The following TEAD4 variants were observed in gnomAD, a reference collection of about 807,000 sequenced individuals.
TEAD4 encodes the protein transcriptional enhancer factor TEF-3.
Under a neutral mutation model 52.4 loss-of-function variants are expected in TEAD4, and 36 were observed. The observed-to-expected ratio is 0.69, with a 90% CI of 0.53 to 0.91. The LOEUF is 0.91. Among genes scored for constraint, TEAD4 ranks in the 40% least tolerant of loss-of-function variants. The probability of loss-of-function intolerance (pLI) is 0.00; values close to 1 mark genes in which losing one functional copy is unlikely to be tolerated. For missense variants in TEAD4, 508 were observed against 583.9 expected (o/e 0.87, Z 1.34); for synonymous variants, 220 against 231.0 (o/e 0.95, Z 0.43).
At chr12:3,035,036 G>A (rs548574403) in intron 10 of TEAD4, among the ~76,000 whole-genome samples, 1 of 152,274 alleles carries the variant, frequency 6.6e-6, no homozygotes, top group African/African-American at 2.4e-5. Flanking sequence ...GGCAGGCGAA[G>A]GTTGCAGTGA....
intron 2 of TEAD4, among the ~76,000 whole-genome samples, chr12:2,987,267 G>A (rs2098239264): frequency 6.6e-6 from 1 of 152,176 alleles, no homozygotes; most frequent in Non-Finnish European, 1.5e-5. Flanking sequence ...AAGAGGTCAG[G>A]TCAGAACCCA....
At chr12:3,014,835 C>G (rs539567547) in intron 5 of TEAD4, among the ~76,000 whole-genome samples, 1 of 152,206 alleles carries the variant, frequency 6.6e-6, no homozygotes, top group Non-Finnish European at 1.5e-5. Context: ...TTGTTTAGAT[C>G]GAGTATCCAG....
chr12:2,997,857 CATT>C lies in TEAD4; in HGVS notation c.226+2868_226+2870del, dbSNP rs145313544. Among the ~76,000 whole-genome samples, 5 of 151,550 alleles carry C rather than the reference CATT, an allele frequency of 3.3e-5. No individual in the cohort carries two copies. The South Asian group carries it at 6.3e-4, about 19-fold the overall frequency. Reference sequence around the variant, plus strand: ...AATACGTAACATTTTCCATTTTAATCATTATAGTTTTTCAGTTTATAATTTGAT... The same window carrying C: ...AATACGTAACATTTTCCATTTTAATCATAGTTTTTCAGTTTATAATTTGAT... On this transcript the variant is annotated intron_variant, in intron 3 of 12. Coordinates refer to ENST00000359864, the MANE Select transcript of TEAD4 (RefSeq NM_003213.4).
At chr12:3,018,435 C>A (rs548039778) in intron 6 of TEAD4, 110 bp from the exon 7 acceptor site, 1 of 1,325,054 alleles carries the variant, frequency 7.5e-7, no homozygotes, top group African/African-American at 1.4e-5. Context: ...GCCTCGGGCT[C>A]CAGCCTCTCC....
At chr12:2,985,257 C>T (rs1263902285) in intron 2 of TEAD4, among the ~76,000 whole-genome samples, 1 of 151,680 alleles carries the variant, frequency 6.6e-6, no homozygotes, top group East Asian at 2.0e-4. Context: ...TGGTGGCAGG[C>T]ACCTGTAGTC....
intron 6 of TEAD4, among the ~76,000 whole-genome samples, 169 bp downstream of exon 6, chr12:3,017,695 G>A (rs915413224): frequency 2.0e-5 from 3 of 152,196 alleles, no homozygotes; most frequent in Admixed American, 6.5e-5. Flanking sequence ...CACACATCCC[G>A]GCTTGGCTGG....
In TEAD4 at chr12:3,038,046, A is replaced by G; in HGVS notation, c.976A>G (p.Met326Val). ...CAGCCAGTATGAGAGCCCCGAGAACATGATCATCACCTGCTCCACGAAGGT... is the reference window on the plus strand; with the variant it reads ...CAGCCAGTATGAGAGCCCCGAGAACGTGATCATCACCTGCTCCACGAAGGT... Residue 326 changes from methionine (M) to valine (V), a missense_variant, in exon 11 of 13, where the codon ATG becomes GTG. By Grantham distance (21) the Met-to-Val change is conservative. Coordinates refer to ENST00000359864, the MANE Select transcript of TEAD4 (RefSeq NM_003213.4). 1.2e-6 allele frequency: 2 copies of G among 1,614,130 alleles called. No individual in the cohort carries two copies. The highest frequency in any genetic ancestry group is 1.3e-5 in the African/African-American group (1 of 75,062).
intron 10 of TEAD4, among the ~76,000 whole-genome samples, chr12:3,029,383 G>A (rs906599835): frequency 4.6e-5 from 7 of 151,792 alleles, no homozygotes; most frequent in Non-Finnish European, 8.8e-5. Context: ...GACTTCAGGC[G>A]CCCGCCACCA....
intron 3 of TEAD4, among the ~76,000 whole-genome samples, chr12:2,999,833 G>A (rs894724183): frequency 1.3e-5 from 2 of 152,184 alleles, no homozygotes; most frequent in East Asian, 1.9e-4. Flanking sequence ...AGTGCTGGCC[G>A]GGTGGGCTCG....
intron 2 of TEAD4, among the ~76,000 whole-genome samples, chr12:2,974,381 CAGA>C (rs1319811155): frequency 6.6e-5 from 10 of 152,188 alleles, no homozygotes; most frequent in African/African-American, 2.2e-4. Context: ...GGCTCTGGGA[CAGA>C]AGACTTACAT....
At chr12:2,999,071 A>G (rs963811605) in intron 3 of TEAD4, among the ~76,000 whole-genome samples, 3 of 152,168 alleles carry the variant, frequency 2.0e-5, no homozygotes, top group African/African-American at 7.2e-5. Flanking sequence ...GCTGGGAGCT[A>G]TAGATAGCTC....
chr12:3,026,494 G>A (rs1277561437), intron 10 of TEAD4, among the ~76,000 whole-genome samples: 1 of 152,142 alleles, frequency 6.6e-6, no homozygotes, highest in Non-Finnish European at 1.5e-5. Context: ...TGTACTCAGG[G>A]TCATGACTGC....
At chr12:3,033,113 T>A (rs1236090944) in intron 10 of TEAD4, among the ~76,000 whole-genome samples, 1 of 152,170 alleles carries the variant, frequency 6.6e-6, no homozygotes, top group Non-Finnish European at 1.5e-5. Flanking sequence ...AGGCCCTGAA[T>A]GTGTGTGCTG....
intron 2 of TEAD4, among the ~76,000 whole-genome samples, chr12:2,964,821 G>A (rs10848755): frequency 0.55 from 83,263 of 151,768 alleles, 23,656 homozygotes; most frequent in Non-Finnish European, 0.63. Flanking sequence ...TGGGTGGAAC[G>A]TTCTGGAGGC....
At chr12:2,982,143 A>G (rs2098234535) in intron 2 of TEAD4, among the ~76,000 whole-genome samples, 1 of 152,066 alleles carries the variant, frequency 6.6e-6, no homozygotes, top group Non-Finnish European at 1.5e-5. Flanking sequence ...TGGACTCTCC[A>G]TTTGGAACTT....
At chr12:3,005,946 A>C (rs1403249526) in intron 3 of TEAD4, among the ~76,000 whole-genome samples, 2 of 152,144 alleles carry the variant, frequency 1.3e-5, no homozygotes, top group Non-Finnish European at 2.9e-5. Flanking sequence ...TCAAGGAGGA[A>C]TGTTTTTGGA....
chr12:3,038,423 T>C (rs1354236485), intron 11 of TEAD4, among the ~76,000 whole-genome samples: 1 of 152,196 alleles, frequency 6.6e-6, no homozygotes, highest in African/African-American at 2.4e-5. Context: ...GCCCTCTGGC[T>C]TCACAGTGGA....
chr12:3,021,303 A>ACTC (rs2098268534), intron 9 of TEAD4, among the ~76,000 whole-genome samples: 1 of 113,070 alleles, frequency 8.8e-6, no homozygotes. Flanking sequence ...ACATCTTCAA[A>ACTC]CTTCTTTTTT....
chr12:2,965,874 T>A (rs2153952275), intron 2 of TEAD4, among the ~76,000 whole-genome samples: 1 of 152,252 alleles, frequency 6.6e-6, no homozygotes, highest in Admixed American at 6.5e-5. Flanking sequence ...ATTATTATTA[T>A]TATCGTAGAC....
Sources: gnomAD v4.1 joint callset for allele counts (sites outside exome capture counted in the v4.1 genomes callset) on GRCh38, gnomAD v4.1.1 for gene constraint, MANE v1.5 for transcripts, NCBI Gene and HGNC (gene_info 2026-07-23, HGNC 2026-07-21) for gene names.